The following ODAD2 variants were observed in gnomAD, a reference collection of about 807,000 sequenced individuals.
The protein encoded by ODAD2 is outer dynein arm docking complex subunit 2, also known as outer dynein arm-docking complex subunit 2.
A neutral mutation model predicts 106.8 loss-of-function variants in ODAD2; 89 were observed. The observed-to-expected ratio is 0.83, with a 90% CI of 0.70 to 0.99. The LOEUF is 0.99. ODAD2 is among the 50% of genes least tolerant of loss of function. ODAD2 has a pLI of 0.00. For synonymous variants in ODAD2, 404 were observed against 436.2 expected, an observed-to-expected ratio of 0.93 and a Z score of 0.92; for missense variants, 1,168 against 1,238.5, an observed-to-expected ratio of 0.94 and a Z score of 0.85.
chr10:27,923,297 T>A (rs1035598266), intron 16 of ODAD2, among the ~76,000 whole-genome samples: 1 of 152,046 alleles, frequency 6.6e-6, no homozygotes, highest in Non-Finnish European at 1.5e-5. Context: ...ACTAAAAAAG[T>A]GTAGATCAAG....
chr10:27,985,313 G>T, intron 3 of ODAD2, 102 bp from the exon 4 acceptor site: 3 of 977,344 alleles, frequency 3.1e-6, no homozygotes, highest in African/African-American at 1.7e-5. Context: ...ATTCAGACGT[G>T]TTTCTTTCAT....
At position 27,834,463 on chromosome 10, in the gene ODAD2, G is replaced by A. The variant is rs549735158; in HGVS notation, c.3022-21838C>T. On this transcript the variant is annotated intron_variant, in intron 19 of 19. Coordinates refer to ENST00000305242, the MANE Select transcript of ODAD2 (RefSeq NM_018076.5). ...ATTGGTGATAACCTAATCATCACAC[G>A]GCCACACCAAGACTCAAGGGAAGCT... Among the ~76,000 whole-genome samples, 714 of 152,170 alleles carry A rather than the reference G, an allele frequency of 4.7e-3. 2 individuals carry two copies. The highest frequency in any genetic ancestry group is 0.01 in the Middle Eastern group (3 of 294).
chr10:27,974,870 G>A (rs1849093441), intron 7 of ODAD2, among the ~76,000 whole-genome samples: 1 of 152,112 alleles, frequency 6.6e-6, no homozygotes, highest in Non-Finnish European at 1.5e-5. Context: ...TTCAATCCAT[G>A]AGCATAGGAT....
At chr10:27,892,535 C>T (rs1365830490) in intron 17 of ODAD2, among the ~76,000 whole-genome samples, 1 of 152,182 alleles carries the variant, frequency 6.6e-6, no homozygotes, top group Non-Finnish European at 1.5e-5. Flanking sequence ...ATATCTGTTT[C>T]ACCTAGTACA....
Position 27,968,940 on chromosome 10 carries a change from TC to T in ODAD2, c.1220del (p.Gly407GlufsTer52). On this transcript the variant is annotated frameshift_variant, in exon 9 of 20. Transcript: ENST00000305242. LOFTEE classifies it high-confidence loss of function. ...AAACATACCGAAGTAATTGTGCTCT[TC>T]CGTGTGAAACAGATGGTCTTGGTTT... Reference protein sequence around the residue: ...LEKPRPSVSHGRAQLLRKSAE... With the variant: ...LEKPRPSVSHXRAQLLRKSAE... The T allele has an allele frequency of 1.5e-6, 1 of 647,104 alleles. No homozygotes were observed. Among genetic ancestry groups the T allele is most frequent in the Non-Finnish European group, 2.7e-6 (1 of 367,858 alleles). The allele number at this position is 647,104 out of a possible 1,614,324, so 40.1% of individuals were successfully genotyped here.
intron 10 of ODAD2, among the ~76,000 whole-genome samples, chr10:27,959,230 AGGC>A: frequency 5.5e-4 from 21 of 37,898 alleles, no homozygotes; most frequent in Non-Finnish European, 6.5e-4. Context: ...AGGGGAGGGG[AGGC>A]GAGGAGGGGA....
At chr10:27,833,779 T>C (rs962491290) in intron 19 of ODAD2, among the ~76,000 whole-genome samples, 5 of 152,174 alleles carry the variant, frequency 3.3e-5, no homozygotes, top group Non-Finnish European at 5.9e-5. Context: ...TTTACTGAGA[T>C]GCACAATTAT....
chr10:27,891,076 C>G (rs1564472170), intron 17 of ODAD2, among the ~76,000 whole-genome samples: 1 of 152,154 alleles, frequency 6.6e-6, no homozygotes, highest in Non-Finnish European at 1.5e-5. Context: ...AAGCCTTCTT[C>G]TCAAAGTTCT....
intron 16 of ODAD2, among the ~76,000 whole-genome samples, chr10:27,928,769 A>G (rs1194904684): frequency 6.6e-6 from 1 of 152,118 alleles, no homozygotes. Flanking sequence ...TAAAATTTCT[A>G]TTAATTGAAC....
intron 16 of ODAD2, among the ~76,000 whole-genome samples, chr10:27,933,445 T>G (rs1406838018): frequency 6.6e-6 from 1 of 152,122 alleles, no homozygotes; most frequent in East Asian, 1.9e-4. Flanking sequence ...AAAACAACAT[T>G]ATCAGATATG....
intron 17 of ODAD2, among the ~76,000 whole-genome samples, chr10:27,885,539 TATATATATAAATATATAAATATAA>T (rs1564465247): frequency 0.17 from 4,927 of 29,070 alleles, 859 homozygotes; most frequent in Non-Finnish European, 0.2. Flanking sequence ...AAAAAATATA[TATATATATAAATATATAAATATAA>T]ATATATATAT....
At chr10:27,941,368 C>T (rs559018580) in intron 12 of ODAD2, among the ~76,000 whole-genome samples, 2 of 151,672 alleles carry the variant, frequency 1.3e-5, no homozygotes, top group South Asian at 2.1e-4. Flanking sequence ...GTGTGTAGTC[C>T]CAGCTACTCA....
Position 27,971,105 on chromosome 10 carries a change from T to C in ODAD2, c.1142+3A>G, listed in dbSNP as rs1368038245. 5 of 1,609,426 alleles carry C rather than the reference T, an allele frequency of 3.1e-6. No individual in the cohort carries two copies. Among genetic ancestry groups the C allele is most frequent in the African/African-American group, 2.7e-5 (2 of 74,824 alleles). ...CTGAAAACAAATGCAAATATCTACA[T>C]ACCCTTTGTAATTAACAGTGGTCTT... On this transcript the variant is annotated splice_donor_region_variant and intron_variant, in intron 8 of 19. Coordinates refer to ENST00000305242, the MANE Select transcript of ODAD2 (RefSeq NM_018076.5).
chr10:27,880,772 G>A (rs894742431), intron 17 of ODAD2, among the ~76,000 whole-genome samples: 1 of 152,170 alleles, frequency 6.6e-6, no homozygotes, highest in East Asian at 1.9e-4. Context: ...CCAGCCTCCA[G>A]AATTGTAAGA....
intron 10 of ODAD2, among the ~76,000 whole-genome samples, chr10:27,959,180 A>T (rs1262800825): frequency 1.4e-5 from 1 of 70,958 alleles, no homozygotes; most frequent in Non-Finnish European, 2.6e-5. Flanking sequence ...AGGAGAGGGG[A>T]GGGGAGTGGA....
intron 16 of ODAD2, among the ~76,000 whole-genome samples, chr10:27,918,615 T>C (rs767047592): frequency 5.9e-5 from 9 of 151,978 alleles, no homozygotes; most frequent in African/African-American, 9.7e-5. Context: ...AAAAATTGAA[T>C]GCTTTCTCCC....
chr10:27,920,093 CA>C (rs112900658), intron 16 of ODAD2, among the ~76,000 whole-genome samples: 24,234 of 145,688 alleles, frequency 0.17, 2,939 homozygotes, highest in African/African-American at 0.35. Flanking sequence ...CCATAAAAGG[CA>C]AAAAAAAAAG....
chr10:27,982,182 T>G (rs978694239), intron 6 of ODAD2, among the ~76,000 whole-genome samples: 11 of 152,138 alleles, frequency 7.2e-5, no homozygotes, highest in African/African-American at 2.4e-4. Flanking sequence ...ATATAATGTA[T>G]ACACACATCA....
intron 17 of ODAD2, among the ~76,000 whole-genome samples, chr10:27,903,059 T>C (rs1033703055): frequency 6.6e-6 from 1 of 152,200 alleles, no homozygotes; most frequent in Non-Finnish European, 1.5e-5. Flanking sequence ...AATAAAATAC[T>C]GGCAAACCGA....
Sources: gnomAD v4.1 joint callset for allele counts (sites outside exome capture counted in the v4.1 genomes callset) on GRCh38, gnomAD v4.1.1 for gene constraint, MANE v1.5 for transcripts, NCBI Gene and HGNC (gene_info 2026-07-23, HGNC 2026-07-21) for gene names.